LGALS8: variants seen among roughly 807,000 people sequenced by gnomAD.
LGALS8 encodes the protein galectin-8.
Under a neutral mutation model 35.9 loss-of-function variants are expected in LGALS8, and 30 were observed. The observed-to-expected ratio is 0.83, with a 90% CI of 0.62 to 1.13. The LOEUF is 1.13. LGALS8 is among the 50% of genes most tolerant of loss of function. The pLI is 0.00. For missense variants in LGALS8, 366 were observed against 388.7 expected (o/e 0.94, Z 0.49); for synonymous variants, 138 against 136.1 (o/e 1.01, Z -0.10).
chr1:236,531,473 G>A (rs187753776), intron 2 of LGALS8, among the ~76,000 whole-genome samples: 17 of 152,146 alleles, frequency 1.1e-4, no homozygotes, highest in Non-Finnish European at 1.6e-4. Context: ...ACAGGCGCCC[G>A]CCACCCACGC....
At chr1:236,531,217 T>G (rs1558157460) in intron 2 of LGALS8, among the ~76,000 whole-genome samples, 1 of 152,240 alleles carries the variant, frequency 6.6e-6, no homozygotes, top group Non-Finnish European at 1.5e-5. Context: ...TCCTTGTGTG[T>G]GCATCTTGGT....
chr1:236,521,274 T>A (rs572494114), upstream of LGALS8, among the ~76,000 whole-genome samples: 1 of 152,276 alleles, frequency 6.6e-6, no homozygotes, highest in African/African-American at 2.4e-5. Context: ...GTGTTTGCAA[T>A]TTTAAATATT....
At position 236,543,300 on chromosome 1, in the gene LGALS8, C is replaced by T. The variant is rs147550440; in HGVS notation, c.550-260C>T. ...CCCCAGGCACAGGGGGCCTTCCTGG[C>T]GTGTTTCACTCATACAGAGGGCATC... On this transcript the variant is annotated intron_variant, in intron 7 of 9. Transcript: ENST00000366584. The T allele has an allele frequency of 1.2e-3, 781 of 641,932 alleles. 2 individuals are homozygous for T. The African/African-American group carries it at 0.012, about 10-fold the overall frequency. The allele number at this position is 641,932 out of a possible 1,614,324, so 39.8% of individuals were successfully genotyped here. A position where few individuals can be genotyped will look rare whatever the true frequency, so the allele number is the denominator to read the frequency against.
At chr1:236,544,970 T>A in intron 9 of LGALS8, 55 bp downstream of exon 9, 1 of 1,357,670 alleles carries the variant, frequency 7.4e-7, no homozygotes, top group Non-Finnish European at 1.0e-6. Flanking sequence ...GGAGCAGGGG[T>A]GGGATAAGTG....
upstream of LGALS8, among the ~76,000 whole-genome samples, chr1:236,519,730 G>T (rs935123660): frequency 4.6e-5 from 7 of 152,096 alleles, no homozygotes; most frequent in Non-Finnish European, 7.4e-5. Flanking sequence ...TCTAGCAGTT[G>T]CCCTGGATAA....
At chr1:236,542,628 G>A (rs1662076169) in intron 6 of LGALS8, 133 bp from the exon 7 acceptor site, 2 of 868,364 alleles carry the variant, frequency 2.3e-6, no homozygotes, top group East Asian at 4.8e-5. Flanking sequence ...CCAGCTGCCT[G>A]GAGGTCACAC....
At chr1:236,523,788 A>C, upstream of LGALS8, 1 of 344,474 alleles carries the variant, frequency 2.9e-6, no homozygotes, top group Non-Finnish European at 5.7e-6. Flanking sequence ...CCAAGGCTCC[A>C]GAGGCTGTGC....
At chr1:236,535,018 G>A (rs1046722698) in intron 2 of LGALS8, among the ~76,000 whole-genome samples, 42 of 132,876 alleles carry the variant, frequency 3.2e-4, no homozygotes, top group African/African-American at 7.6e-4. Flanking sequence ...CTGAGATCAC[G>A]CCACTGCACT....
Position 236,548,530 on chromosome 1 carries a change from G to T in LGALS8, c.*369G>T. 3.9e-6 allele frequency: 1 copy of T among 255,686 alleles called. No homozygotes were observed. The allele number at this position is 255,686 out of a possible 1,614,324, so 15.8% of individuals were successfully genotyped here. ...TGTGAAGAGCTAGGATATATACTTGGTGAAACAAACCAGTATGTTCCCTGT... is the reference window on the plus strand; with the variant it reads ...TGTGAAGAGCTAGGATATATACTTGTTGAAACAAACCAGTATGTTCCCTGT... On this transcript the variant is annotated 3_prime_UTR_variant, in exon 10 of 10. Transcript: ENST00000366584.
chr1:236,529,216 G>A (rs1448287319), intron 2 of LGALS8, among the ~76,000 whole-genome samples: 1 of 152,172 alleles, frequency 6.6e-6, no homozygotes, highest in Non-Finnish European at 1.5e-5. Flanking sequence ...GGTTGAGGCT[G>A]CAGTGAGCTG....
intron 4 of LGALS8, 96 bp from the exon 5 acceptor site, chr1:236,540,444 GACCTGTGGGAACAGGTATAAAACT>G: frequency 1.7e-6 from 2 of 1,161,958 alleles, no homozygotes; most frequent in Non-Finnish European, 2.3e-6. Flanking sequence ...TGTGTGTGGA[GACCTGTGGGAACAGGTATAAAACT>G]GGACGCAAGG....
upstream of LGALS8, among the ~76,000 whole-genome samples, chr1:236,519,948 AT>A (rs35589317): frequency 0.028 from 3,030 of 109,378 alleles, 82 homozygotes; most frequent in African/African-American, 0.078. Context: ...GTTTTGTACA[AT>A]TTTTTTTTTT....
rs752909135 is a variant in LGALS8, at chr1:236,550,892, A to G, written c.*2731A>G. 9 of 1,586,670 alleles carry G rather than the reference A, an allele frequency of 5.7e-6. No homozygotes were observed. The highest frequency in any genetic ancestry group is 2.3e-5 in the South Asian group (2 of 86,254). ...AACTCTGAGTAGAGTATGAAACACCACAGAAAGTCTTAGAAATAGCTCTGG... is the reference window on the plus strand; with the variant it reads ...AACTCTGAGTAGAGTATGAAACACCGCAGAAAGTCTTAGAAATAGCTCTGG... On this transcript the variant is annotated 3_prime_UTR_variant, in exon 10 of 10. Transcript: ENST00000366584.
intron 4 of LGALS8, 199 bp downstream of exon 4, chr1:236,539,288 GC>G (rs948942560): frequency 1.7e-6 from 1 of 577,568 alleles, no homozygotes; most frequent in Non-Finnish European, 3.1e-6. Context: ...GCCAGTTGTT[GC>G]CATGCAGAAA....
At chr1:236,540,388 G>A (rs1248022061) in intron 4 of LGALS8, 176 bp from the exon 5 acceptor site, 7 of 543,106 alleles carry the variant, frequency 1.3e-5, no homozygotes, top group Middle Eastern at 5.3e-4. Context: ...AAAGAAGTTT[G>A]GAAGCACTGC....
intron 1 of LGALS8, chr1:236,524,290 G>A: frequency 2.2e-6 from 1 of 456,626 alleles, no homozygotes; most frequent in Non-Finnish European, 4.4e-6. Context: ...CGGGGCATAA[G>A]GGATTATCAG....
chr1:236,537,071 T>TGC (rs1661572266), intron 2 of LGALS8, among the ~76,000 whole-genome samples: 1 of 140,592 alleles, frequency 7.1e-6, no homozygotes, highest in Non-Finnish European at 1.5e-5. Flanking sequence ...GGCTGGAGCA[T>TGC]AGTGGCGCGA....
At chr1:236,547,450 G>C (rs921315180) in intron 9 of LGALS8, among the ~76,000 whole-genome samples, 1 of 152,098 alleles carries the variant, frequency 6.6e-6, no homozygotes, top group African/African-American at 2.4e-5. Flanking sequence ...AGCTTATCAG[G>C]ATCAGGATCA....
intron 2 of LGALS8, among the ~76,000 whole-genome samples, chr1:236,530,100 A>C (rs1246587150): frequency 6.6e-6 from 1 of 152,222 alleles, no homozygotes; most frequent in African/African-American, 2.4e-5. Flanking sequence ...TAGAGTTCTT[A>C]AGATATGATT....
Sources: allele counts gnomAD v4.1 joint callset (sites outside exome capture counted in the v4.1 genomes callset), GRCh38; gene constraint gnomAD v4.1.1; transcripts MANE v1.5; gene names NCBI Gene and HGNC (gene_info 2026-07-23, HGNC 2026-07-21).